Variants in LHFPL3 observed in about 807,000 individuals in gnomAD.
LHFPL3 encodes LHFPL tetraspan subfamily member 3 protein.
In LHFPL3, 5 loss-of-function variants were observed where a neutral mutation model predicts 19.3. The observed-to-expected ratio is 0.26, with a 90% confidence interval of 0.14 to 0.54. The LOEUF (loss-of-function observed/expected upper bound fraction) is 0.54, where lower values mean the gene tolerates loss of function less well. Ranked by LOEUF, LHFPL3 falls within the 20% of genes least tolerant of loss-of-function variation. The pLI is 0.94. For missense variants in LHFPL3, 249 were observed against 307.4 expected (o/e 0.81, Z 1.42); for synonymous variants, 133 against 126.2 (o/e 1.05, Z -0.36).
chr7:104,808,263 C>G (rs1790403689), intron 2 of LHFPL3, among the ~76,000 whole-genome samples: 1 of 152,214 alleles, frequency 6.6e-6, no homozygotes, highest in African/African-American at 2.4e-5. Context: ...CTGTCACACT[C>G]TTACTTTGTA....
chr7:104,677,918 G>A (rs541909820), intron 1 of LHFPL3, among the ~76,000 whole-genome samples: 1 of 152,284 alleles, frequency 6.6e-6, no homozygotes, highest in African/African-American at 2.4e-5. Context: ...ACGGAACCAC[G>A]TGCAGAAATG....
At chr7:104,662,382 T>C (rs976230729) in intron 1 of LHFPL3, among the ~76,000 whole-genome samples, 5 of 152,204 alleles carry the variant, frequency 3.3e-5, no homozygotes. Context: ...ATTATCTCAT[T>C]TAATCCCCCC....
chr7:104,424,288 A>G (rs970893265), intron 1 of LHFPL3, among the ~76,000 whole-genome samples: 1 of 152,204 alleles, frequency 6.6e-6, no homozygotes, highest in Non-Finnish European at 1.5e-5. Context: ...ACTTGGCTCA[A>G]GGTACTTTTG....
At chr7:104,566,594 A>G (rs959113096) in intron 1 of LHFPL3, among the ~76,000 whole-genome samples, 1 of 152,188 alleles carries the variant, frequency 6.6e-6, no homozygotes, top group African/African-American at 2.4e-5. Context: ...AGAAGCCCGT[A>G]CCATGAGTCT....
intron 2 of LHFPL3, chr7:104,845,353 C>T (rs1791293837): frequency 2.3e-6 from 3 of 1,276,870 alleles, no homozygotes; most frequent in Non-Finnish European, 2.2e-6. Context: ...TACCTTTAAC[C>T]GTTCTGTTTT....
chr7:104,774,234 C>A (rs1257091045), intron 2 of LHFPL3, among the ~76,000 whole-genome samples: 2 of 152,206 alleles, frequency 1.3e-5, no homozygotes, highest in African/African-American at 4.8e-5. Flanking sequence ...CCTTCTCTTA[C>A]AGAGCCCTCA....
chr7:104,623,309 T>C (rs1211618567), intron 1 of LHFPL3, among the ~76,000 whole-genome samples: 1 of 152,066 alleles, frequency 6.6e-6, no homozygotes, highest in African/African-American at 2.4e-5. Flanking sequence ...CCATATTTTC[T>C]GAGTAACTTC....
At chr7:104,680,977 T>G (rs1437912991) in intron 1 of LHFPL3, among the ~76,000 whole-genome samples, 1 of 152,158 alleles carries the variant, frequency 6.6e-6, no homozygotes, top group African/African-American at 2.4e-5. Flanking sequence ...ACAGCTTAAA[T>G]TTATAAAATA....
At chr7:104,364,580 T>TG (rs1292757509) in intron 1 of LHFPL3, among the ~76,000 whole-genome samples, 41 of 152,340 alleles carry the variant, frequency 2.7e-4, no homozygotes, top group Admixed American at 2.6e-4. Context: ...TGGAGAATGC[T>TG]GGGTTATGGT....
intron 1 of LHFPL3, among the ~76,000 whole-genome samples, chr7:104,359,340 T>C (rs768211660): frequency 1.7e-4 from 26 of 152,360 alleles, no homozygotes; most frequent in Non-Finnish European, 3.2e-4. Flanking sequence ...GCTTCACTTA[T>C]GTCACTTTAC....
intron 2 of LHFPL3, among the ~76,000 whole-genome samples, chr7:104,841,493 GGT>G (rs66894221): frequency 9.9e-5 from 14 of 140,938 alleles, no homozygotes; most frequent in African/African-American, 3.7e-4. Flanking sequence ...CATTATGTGG[GGT>G]GTGTGTGTGT....
intron 1 of LHFPL3, among the ~76,000 whole-genome samples, chr7:104,558,147 A>T (rs1329992144): frequency 6.6e-6 from 1 of 151,212 alleles, no homozygotes; most frequent in African/African-American, 2.4e-5. Context: ...ATACGTGTGC[A>T]TGTGTCTTTA....
intron 1 of LHFPL3, among the ~76,000 whole-genome samples, chr7:104,645,101 T>C (rs945248956): frequency 2.6e-5 from 4 of 152,220 alleles, no homozygotes; most frequent in African/African-American, 9.6e-5. Context: ...GAATTCTTCA[T>C]ATCGCTTTGC....
At chr7:104,745,376 T>A (rs1794021110) in intron 2 of LHFPL3, among the ~76,000 whole-genome samples, 1 of 152,234 alleles carries the variant, frequency 6.6e-6, no homozygotes, top group South Asian at 2.1e-4. Context: ...TTAAAACAAA[T>A]TCCAGGAATT....
rs1222336193 is a variant in LHFPL3, at chr7:104,906,792, G to A, written c.*577G>A. ...ATTCATTTACTTCACTGTGTAATTA[G>A]TTACAACCACTCAGTTATTAAGAGA... is the stretch of plus-strand genomic sequence containing the variant. On this transcript the variant is annotated 3_prime_UTR_variant, in exon 3 of 3. Transcript: ENST00000424859. 6.5e-6 allele frequency: 1 copy of A among 152,872 alleles called. No homozygotes were observed. Among genetic ancestry groups the A allele is most frequent in the African/African-American group, 2.4e-5 (1 of 41,444 alleles). The allele number at this position is 152,872 out of a possible 1,614,324, so 9.5% of individuals were successfully genotyped here.
At chr7:104,824,523 TTTATATATAATATATATAA>T (rs1198515897) in intron 2 of LHFPL3, among the ~76,000 whole-genome samples, 6 of 62,476 alleles carry the variant, frequency 9.6e-5, no homozygotes, top group Admixed American at 3.1e-4. Flanking sequence ...TATATATTAT[TTTATATATAATATATATAA>T]TTATATATAA....
chr7:104,651,853 C>T (rs1792039916), intron 1 of LHFPL3, among the ~76,000 whole-genome samples: 1 of 152,182 alleles, frequency 6.6e-6, no homozygotes, highest in South Asian at 2.1e-4. Flanking sequence ...AGTTTCCTGA[C>T]TTGTAAAATG....
At chr7:104,740,192 A>G (rs749399035) in intron 2 of LHFPL3, among the ~76,000 whole-genome samples, 54 of 152,272 alleles carry the variant, frequency 3.5e-4, no homozygotes, top group Non-Finnish European at 6.5e-4. Context: ...CTCCCCAGCA[A>G]TGTGGAACTG....
At chr7:104,591,045 G>A (rs1790709448) in intron 1 of LHFPL3, among the ~76,000 whole-genome samples, 1 of 152,134 alleles carries the variant, frequency 6.6e-6, no homozygotes. Context: ...AGAGCACACT[G>A]ATGGGTCCTG....
Sources: allele counts gnomAD v4.1 joint callset (sites outside exome capture counted in the v4.1 genomes callset), GRCh38; gene constraint gnomAD v4.1.1; transcripts MANE v1.5; gene names NCBI Gene and HGNC (gene_info 2026-07-23, HGNC 2026-07-21).